Variants in GPC5 observed in about 807,000 individuals in gnomAD.
GPC5 encodes the protein glypican 5, also known as glypican-5.
GPC5 carries 47 observed loss-of-function variants against 53.9 expected under a neutral mutation model. The observed-to-expected ratio is 0.87, with a 90% CI of 0.69 to 1.11. The LOEUF is 1.11. Among genes scored for constraint, GPC5 ranks in the 50% most tolerant of loss-of-function variants. The probability of loss-of-function intolerance (pLI) is 0.00; values close to 1 mark genes in which losing one functional copy is unlikely to be tolerated. For missense variants in GPC5, 748 were observed against 713.1 expected, an observed-to-expected ratio of 1.05 and a Z score of -0.56; for synonymous variants, 286 against 263.3, an observed-to-expected ratio of 1.09 and a Z score of -0.84.
In GPC5 at chr13:91,908,938, GT is replaced by G. The variant is rs2039582629; in HGVS notation, c.1401+882del. Among the ~76,000 whole-genome samples the G allele has an allele frequency of 2.0e-5, 3 of 152,108 alleles. No individual in the cohort carries two copies. In the South Asian group the frequency reaches 6.2e-4, roughly 32 times the overall value. On this transcript the variant is annotated intron_variant, in intron 6 of 7. Coordinates refer to ENST00000377067, the MANE Select transcript of GPC5 (RefSeq NM_004466.6). ...TTGCATACAACATATTCAAGAGTCAGTAGTAGACTTCTCATAATTGTTCTGC... is the reference window on the plus strand; with the variant it reads ...TTGCATACAACATATTCAAGAGTCAGAGTAGACTTCTCATAATTGTTCTGC...
intron 7 of GPC5, among the ~76,000 whole-genome samples, chr13:92,558,111 C>T (rs1481706360): frequency 1.3e-5 from 2 of 151,892 alleles, no homozygotes; most frequent in Admixed American, 1.3e-4. Context: ...AGAAGATTAA[C>T]ACTGGCAATG....
At chr13:92,375,230 G>T (rs528405033) in intron 7 of GPC5, among the ~76,000 whole-genome samples, 3 of 152,300 alleles carry the variant, frequency 2.0e-5, no homozygotes, top group African/African-American at 7.2e-5. Context: ...TAAAGATATT[G>T]TCTTCATTGC....
At chr13:92,663,856 CTATATATATATATATATAT>C (rs1886463467) in intron 7 of GPC5, among the ~76,000 whole-genome samples, 1 of 88,340 alleles carries the variant, frequency 1.1e-5, no homozygotes, top group Admixed American at 1.2e-4. Flanking sequence ...CACACACACA[CTATATATATATATATATAT>C]ATATATATAT....
intron 7 of GPC5, among the ~76,000 whole-genome samples, chr13:92,690,637 G>C (rs1887354641): frequency 6.9e-6 from 1 of 145,604 alleles, no homozygotes; most frequent in Admixed American, 7.1e-5. Context: ...GAGGAGGAGA[G>C]GCGCTCTGCG....
rs533192779 is a variant in GPC5, at chr13:92,830,284, A to G, written c.1562-35998A>G. Among the ~76,000 whole-genome samples the G allele has an allele frequency of 6.4e-4, 98 of 152,246 alleles. No individual in the cohort carries two copies. The South Asian group carries it at 0.019, about 30-fold the overall frequency. ...ATCATAGCCAAAAATAAATTGAAAT[A>G]GGATGTGCTGGAAATATTTGATGCA... On this transcript the variant is annotated intron_variant, in intron 7 of 7. Coordinates refer to ENST00000377067, the MANE Select transcript of GPC5 (RefSeq NM_004466.6).
chr13:91,862,057 T>C (rs2039035851), intron 5 of GPC5, among the ~76,000 whole-genome samples: 1 of 152,114 alleles, frequency 6.6e-6, no homozygotes, highest in South Asian at 2.1e-4. Flanking sequence ...TTTAATAGTT[T>C]CCCTTCAACG....
rs9523422 is a variant in GPC5 at position 91,811,075 on chromosome 13, G to A, written c.1280+54655G>A. On this transcript the variant is annotated intron_variant, in intron 5 of 7. Transcript: ENST00000377067. ...TCTGCCTTCATTAAATTTCAAAATC[G>A]TTAAAACTGTCACAACTTCCTTAAA... 4.6e-5 allele frequency among the ~76,000 whole-genome samples: 7 copies of A among 151,728 alleles called. No homozygotes were observed. The East Asian group carries it at 1.4e-3, about 29-fold the overall frequency.
At chr13:91,550,651 C>T (rs1053331773) in intron 2 of GPC5, among the ~76,000 whole-genome samples, 32 of 151,896 alleles carry the variant, frequency 2.1e-4, no homozygotes, top group Admixed American at 1.8e-3. Context: ...TAAGAAGTAG[C>T]GTGGCCTTGA....
intron 1 of GPC5, among the ~76,000 whole-genome samples, chr13:91,447,980 TGCTGTGC>T (rs1403183727): frequency 2.0e-5 from 3 of 152,190 alleles, no homozygotes; most frequent in Non-Finnish European, 4.4e-5. Context: ...CTAGCATATC[TGCTGTGC>T]ATAAAGGTGC....
intron 7 of GPC5, among the ~76,000 whole-genome samples, chr13:92,385,401 CATAT>C (rs1156419744): frequency 3.0e-5 from 2 of 67,440 alleles, no homozygotes; most frequent in Non-Finnish European, 2.8e-5. Flanking sequence ...CATATATACA[CATAT>C]ATACACATAT....
chr13:92,759,264 A>T (rs1875059629), intron 7 of GPC5, among the ~76,000 whole-genome samples: 1 of 150,034 alleles, frequency 6.7e-6, no homozygotes, highest in African/African-American at 2.5e-5. Flanking sequence ...GGATTGTTTT[A>T]TCTATTTCTG....
chr13:92,365,583 A>G (rs1343155654), intron 7 of GPC5, among the ~76,000 whole-genome samples: 2 of 151,620 alleles, frequency 1.3e-5, no homozygotes, highest in Non-Finnish European at 2.9e-5. Context: ...ACACAAACAC[A>G]TTGCATAGCT....
At chr13:92,836,273 A>T (rs1878217002) in intron 7 of GPC5, among the ~76,000 whole-genome samples, 1 of 151,890 alleles carries the variant, frequency 6.6e-6, no homozygotes, top group Non-Finnish European at 1.5e-5. Flanking sequence ...TTCTTGCAGG[A>T]TTTTTATTGT....
rs2039776558 is a variant in GPC5, at chr13:91,927,093, TCTC to T, written c.1401+19037_1401+19039del. 3.3e-5 allele frequency among the ~76,000 whole-genome samples: 5 copies of T among 152,318 alleles called. No individual in the cohort carries two copies. The East Asian group carries it at 7.7e-4, about 23-fold the overall frequency. On this transcript the variant is annotated intron_variant, in intron 6 of 7. Coordinates refer to ENST00000377067, the MANE Select transcript of GPC5 (RefSeq NM_004466.6). ...AATACTTAAAATCATAGAAGTGATT[TCTC>T]AGTCAGTTATTGATTTATTCTAATG...
Position 91,571,839 on chromosome 13 carries a change from T to A in GPC5, c.326-121348T>A, listed in dbSNP as rs9515942. 4.2e-4 allele frequency among the ~76,000 whole-genome samples: 38 copies of A among 91,148 alleles called. 4 individuals are homozygous for A. The East Asian group carries it at 9.6e-3, about 23-fold the overall frequency. The allele number at this position is 91,148 out of a possible 152,430, so 59.8% of individuals were successfully genotyped here. On this transcript the variant is annotated intron_variant, in intron 2 of 7. Transcript: ENST00000377067. ...CGTGTGTGTATATATACACATATAC[T>A]TGTGTGTATATACACATATACGTGT...
intron 7 of GPC5, among the ~76,000 whole-genome samples, chr13:92,667,523 A>G (rs1886615799): frequency 6.6e-6 from 1 of 152,136 alleles, no homozygotes; most frequent in Non-Finnish European, 1.5e-5. Flanking sequence ...CTTTCTATTC[A>G]TGGGTTATGA....
intron 5 of GPC5, among the ~76,000 whole-genome samples, chr13:91,843,177 A>G (rs184635528): frequency 1.3e-5 from 2 of 152,326 alleles, no homozygotes; most frequent in East Asian, 3.9e-4. Flanking sequence ...ATAAAACTTG[A>G]TTAATGATCC....
intron 7 of GPC5, chr13:92,241,516 G>A (rs1447971985): frequency 1.3e-5 from 2 of 152,162 alleles, no homozygotes; most frequent in African/African-American, 4.8e-5. Context: ...CACGGGTAAA[G>A]AATTGGAATA....
chr13:92,338,776 G>A (rs538846566), intron 7 of GPC5, among the ~76,000 whole-genome samples: 1 of 152,100 alleles, frequency 6.6e-6, no homozygotes, highest in East Asian at 1.9e-4. Flanking sequence ...TGATTTATAG[G>A]GAACTGAAAT....
Sources: gnomAD v4.1 joint callset for allele counts (sites outside exome capture counted in the v4.1 genomes callset) on GRCh38, gnomAD v4.1.1 for gene constraint, MANE v1.5 for transcripts, NCBI Gene and HGNC (gene_info 2026-07-23, HGNC 2026-07-21) for gene names.